Variants in MTHFD2L observed in about 807,000 individuals in gnomAD.
MTHFD2L encodes methylenetetrahydrofolate dehydrogenase (NADP+ dependent) 2 like, also known as bifunctional methylenetetrahydrofolate dehydrogenase/cyclohydrolase 2, mitochondrial.
In MTHFD2L, 29 loss-of-function variants were observed where a neutral mutation model predicts 34.9. The observed-to-expected ratio is 0.83, with a 90% CI of 0.62 to 1.13. MTHFD2L has a LOEUF of 1.13. Ranked by LOEUF, MTHFD2L falls within the 50% of genes most tolerant of loss-of-function variation. The pLI is 0.00. For missense variants in MTHFD2L, 481 were observed against 446.5 expected (o/e 1.08, Z -0.70); for synonymous variants, 167 against 155.7 (o/e 1.07, Z -0.54).
intron 6 of MTHFD2L, among the ~76,000 whole-genome samples, chr4:74,264,853 G>A (rs1468425607): frequency 1.3e-5 from 2 of 152,002 alleles, no homozygotes; most frequent in Non-Finnish European, 2.9e-5. Context: ...GAAACAAAAA[G>A]TAAATTGATT....
intron 1 of MTHFD2L, among the ~76,000 whole-genome samples, chr4:74,169,465 A>G (rs958843667): frequency 6.6e-6 from 1 of 152,216 alleles, no homozygotes; most frequent in African/African-American, 2.4e-5. Context: ...CAGCAGTAGC[A>G]TCACTACTCA....
At chr4:74,240,881 A>G (rs943567261) in intron 6 of MTHFD2L, among the ~76,000 whole-genome samples, 8 of 152,204 alleles carry the variant, frequency 5.3e-5, no homozygotes, top group African/African-American at 1.9e-4. Context: ...CTTGTCTCCT[A>G]CAAACTACCA....
chr4:74,214,142 T>G (rs555452111), intron 5 of MTHFD2L, among the ~76,000 whole-genome samples: 1 of 151,762 alleles, frequency 6.6e-6, no homozygotes, highest in Non-Finnish European at 1.5e-5. Context: ...CTTCCTTGCA[T>G]TGGGTCAGAA....
intron 5 of MTHFD2L, among the ~76,000 whole-genome samples, chr4:74,219,802 C>G (rs1737839470): frequency 6.6e-6 from 1 of 152,072 alleles, no homozygotes; most frequent in African/African-American, 2.4e-5. Context: ...GTCATAAACT[C>G]TGATCAATCA....
At chr4:74,287,617 C>T (rs867535604) in intron 7 of MTHFD2L, among the ~76,000 whole-genome samples, 1 of 152,054 alleles carries the variant, frequency 6.6e-6, no homozygotes, top group African/African-American at 2.4e-5. Context: ...TGTGGTGGTG[C>T]ACTCCTGTAA....
chr4:74,298,852 T>C (rs1749950790), intron 7 of MTHFD2L, among the ~76,000 whole-genome samples: 1 of 152,002 alleles, frequency 6.6e-6, no homozygotes, highest in Non-Finnish European at 1.5e-5. Flanking sequence ...ACAGTTGCAT[T>C]GGAATGGGGT....
intron 7 of MTHFD2L, among the ~76,000 whole-genome samples, chr4:74,290,671 G>A (rs538162743): frequency 5.9e-5 from 9 of 151,634 alleles, no homozygotes; most frequent in Admixed American, 6.6e-5. Flanking sequence ...TACGCGCGAG[G>A]GTACATTGCT....
At chr4:74,210,492 A>C (rs1736118286) in intron 5 of MTHFD2L, among the ~76,000 whole-genome samples, 1 of 152,172 alleles carries the variant, frequency 6.6e-6, no homozygotes, top group African/African-American at 2.4e-5. Context: ...GTCATAGATC[A>C]GATGGTTGTA....
intron 6 of MTHFD2L, among the ~76,000 whole-genome samples, chr4:74,269,700 T>A (rs1434237959): frequency 6.6e-6 from 1 of 152,170 alleles, no homozygotes; most frequent in Non-Finnish European, 1.5e-5. Context: ...CAGAGTCTGA[T>A]TTTCTATCTT....
At chr4:74,157,861 CG>C, upstream of MTHFD2L, 1 of 620,698 alleles carries the variant, frequency 1.6e-6, no homozygotes. Flanking sequence ...TGGCTGGGTG[CG>C]GGGCCCAGTC....
intron 5 of MTHFD2L, among the ~76,000 whole-genome samples, chr4:74,221,057 A>G (rs1402463652): frequency 6.6e-6 from 1 of 150,918 alleles, no homozygotes; most frequent in Admixed American, 6.6e-5. Context: ...TTTTATTTTG[A>G]CCCAAGAATT....
chr4:74,157,248 A>G (rs918627882), upstream of MTHFD2L: 5 of 192,032 alleles, frequency 2.6e-5, no homozygotes, highest in African/African-American at 1.2e-4. Context: ...CTATGATTTT[A>G]AAAAACAAGT....
At chr4:74,225,430 A>C in intron 6 of MTHFD2L, 36 bp downstream of exon 6, 32 of 1,532,322 alleles carry the variant, frequency 2.1e-5, no homozygotes, top group Non-Finnish European at 2.7e-5. Flanking sequence ...TTGGAATGTC[A>C]TCAGCAGAAT....
rs551185939 is a variant in MTHFD2L, at chr4:74,298,322, A to G, written c.932-3375A>G. ...CCTAGCCCAGATCAGGTGAAGACCTATTACCCCTTACATAGCCTGATTCTA... is the reference window on the plus strand; with the variant it reads ...CCTAGCCCAGATCAGGTGAAGACCTGTTACCCCTTACATAGCCTGATTCTA... On this transcript the variant is annotated intron_variant, in intron 7 of 7. Transcript: ENST00000325278. Among the ~76,000 whole-genome samples, 5 of 152,190 alleles carry G rather than the reference A, an allele frequency of 3.3e-5. No homozygotes were observed. The East Asian group carries it at 9.6e-4, about 29-fold the overall frequency.
At chr4:74,224,050 C>T (rs1004253690) in intron 5 of MTHFD2L, 5 of 152,044 alleles carry the variant, frequency 3.3e-5, no homozygotes, top group African/African-American at 9.7e-5. Context: ...GTTTACAGGA[C>T]ACTTCTGCTG....
upstream of MTHFD2L, chr4:74,157,600 C>A: frequency 2.2e-6 from 1 of 453,104 alleles, no homozygotes; most frequent in Admixed American, 2.4e-5. Context: ...AAAGTCCAGA[C>A]CTTCCTTGTT....
At chr4:74,221,038 GTTGTT>G (rs1178683116) in intron 5 of MTHFD2L, among the ~76,000 whole-genome samples, 1 of 150,654 alleles carries the variant, frequency 6.6e-6, no homozygotes, top group African/African-American at 2.4e-5. Context: ...ATTTTGCAAT[GTTGTT>G]TTGTTTTATT....
At chr4:74,129,646 C>T (rs1400665855) in intron 1 of MTHFD2L, among the ~76,000 whole-genome samples, 1 of 151,826 alleles carries the variant, frequency 6.6e-6, no homozygotes, top group Non-Finnish European at 1.5e-5. Context: ...GATCTAAAAT[C>T]GACATCCTAA....
intron 5 of MTHFD2L, among the ~76,000 whole-genome samples, chr4:74,216,327 G>T (rs924155441): frequency 6.6e-6 from 1 of 151,674 alleles, no homozygotes; most frequent in Non-Finnish European, 1.5e-5. Flanking sequence ...TCATCAGGAG[G>T]CTTTAAAAAT....
Sources: allele counts gnomAD v4.1 joint callset (sites outside exome capture counted in the v4.1 genomes callset), GRCh38; gene constraint gnomAD v4.1.1; transcripts MANE v1.5; gene names NCBI Gene and HGNC (gene_info 2026-07-23, HGNC 2026-07-21).